Variants in PLCG2 observed in about 807,000 individuals in gnomAD.
PLCG2 encodes phospholipase C gamma 2.
Under a neutral mutation model 175.6 loss-of-function variants are expected in PLCG2, and 69 were observed. The ratio of observed to expected loss-of-function variants is 0.39; its 90% CI spans 0.32 to 0.48. The LOEUF (loss-of-function observed/expected upper bound fraction) is 0.48, where lower values mean the gene tolerates loss of function less well. PLCG2 is among the 20% of genes least tolerant of loss of function. The probability of loss-of-function intolerance (pLI) is 0.91; values close to 1 mark genes in which losing one functional copy is unlikely to be tolerated. For missense variants in PLCG2, 1,798 were observed against 1,650.9 expected (o/e 1.09, Z -1.54); for synonymous variants, 827 against 624.0 (o/e 1.33, Z -4.85).
chr16:81,948,267 AT>A (rs1211613949), intron 31 of PLCG2, among the ~76,000 whole-genome samples: 4 of 152,210 alleles, frequency 2.6e-5, no homozygotes, highest in Non-Finnish European at 5.9e-5. Context: ...CCATCTTGCC[AT>A]TAACTGGAAT....
intron 6 of PLCG2, 133 bp downstream of exon 6, chr16:81,869,431 G>A: frequency 1.5e-6 from 1 of 678,272 alleles, no homozygotes; most frequent in Admixed American, 2.3e-5. Flanking sequence ...GTACATCTTA[G>A]TTCAGACAGA....
rs192603875 is a variant in PLCG2 at position 81,961,855 on chromosome 16, T to C, written c.*3857T>C. ...GAAATTTTAGATGTCAATATAGCAA[T>C]GTGCAAGAAGATAGAGATTTTCAAA... On this transcript the variant is annotated 3_prime_UTR_variant, in exon 33 of 33. Coordinates refer to ENST00000564138, the MANE Select transcript of PLCG2 (RefSeq NM_002661.5). 8.7e-4 allele frequency: 175 copies of C among 201,228 alleles called. 1 individual carries two copies. The highest frequency in any genetic ancestry group is 5.0e-3 in the Middle Eastern group (3 of 600). 12.5% of individuals were successfully genotyped at this position (201,228 alleles called of 1,614,324 possible).
chr16:81,939,041 G>A (rs1254197586), intron 29 of PLCG2, 126 bp downstream of exon 29: 6 of 642,784 alleles, frequency 9.3e-6, no homozygotes, highest in African/African-American at 3.7e-5. Flanking sequence ...CCTCCCTCTT[G>A]CCCACATGGT....
intron 4 of PLCG2, 139 bp from the exon 5 acceptor site, chr16:81,858,977 G>A (rs939718390): frequency 9.8e-5 from 55 of 559,702 alleles, no homozygotes; most frequent in African/African-American, 9.2e-4. Flanking sequence ...TGCTTCCCAA[G>A]CTGCCCTTGT....
intron 2 of PLCG2, among the ~76,000 whole-genome samples, chr16:81,805,621 C>A (rs895433950): frequency 7.9e-5 from 12 of 151,790 alleles, no homozygotes; most frequent in African/African-American, 2.9e-4. Context: ...ATGCCTCACA[C>A]CCCCTTCCCC....
chr16:81,750,109 A>T (rs1360318888), intron 1 of PLCG2, among the ~76,000 whole-genome samples: 3 of 152,190 alleles, frequency 2.0e-5, no homozygotes, highest in Admixed American at 2.0e-4. Flanking sequence ...AAAACAATGT[A>T]TAAGATCCAG....
intron 3 of PLCG2, among the ~76,000 whole-genome samples, chr16:81,854,981 G>A (rs550390828): frequency 5.9e-5 from 9 of 152,058 alleles, no homozygotes; most frequent in African/African-American, 2.2e-4. Flanking sequence ...AGCCTGAGGC[G>A]GGCAGATCAC....
At chr16:81,814,052 G>C (rs761034079) in intron 2 of PLCG2, among the ~76,000 whole-genome samples, 3 of 152,166 alleles carry the variant, frequency 2.0e-5, no homozygotes, top group African/African-American at 7.2e-5. Flanking sequence ...CTAGAAGGCA[G>C]GTCTGGTACT....
chr16:81,917,009 G>C (rs2143676026), intron 19 of PLCG2, among the ~76,000 whole-genome samples: 1 of 152,174 alleles, frequency 6.6e-6, no homozygotes, highest in South Asian at 2.1e-4. Flanking sequence ...TTGTCTAACT[G>C]AAATTTTGTA....
At chr16:81,750,551 A>G (rs756420295) in intron 1 of PLCG2, among the ~76,000 whole-genome samples, 1 of 151,978 alleles carries the variant, frequency 6.6e-6, no homozygotes, top group Non-Finnish European at 1.5e-5. Flanking sequence ...ATAATAGCTG[A>G]GTTATGGAAT....
chr16:81,748,810 A>G (rs550244967), intron 1 of PLCG2, among the ~76,000 whole-genome samples: 19 of 152,198 alleles, frequency 1.2e-4, no homozygotes, highest in Admixed American at 3.9e-4. Context: ...CCTCATTACA[A>G]CCCTGTGAAC....
rs965065738 is a variant in PLCG2 at position 81,893,585 on chromosome 16, G to A, written c.987-124G>A. On this transcript the variant is annotated intron_variant, in intron 11 of 32. Coordinates refer to ENST00000564138, the MANE Select transcript of PLCG2 (RefSeq NM_002661.5). Reference sequence around the variant, plus strand: ...GCCTTAGCTTTGAGTCTTTCTACATGGAAGAACTCAGAGCTTTGGCGGCTC... The same window carrying A: ...GCCTTAGCTTTGAGTCTTTCTACATAGAAGAACTCAGAGCTTTGGCGGCTC... The A allele has an allele frequency of 4.4e-6, 3 of 679,102 alleles. No homozygotes were observed. In the Admixed American group the frequency reaches 7.4e-5, roughly 17 times the overall value. The allele number at this position is 679,102 out of a possible 1,614,324, so 42.1% of individuals were successfully genotyped here. A position where few individuals can be genotyped will look rare whatever the true frequency, so the allele number is the denominator to read the frequency against.
Position 81,889,177 on chromosome 16 carries a change from T to A in PLCG2, c.771T>A (p.His257Gln), listed in dbSNP as rs369555285. Residue 257 changes from histidine to glutamine, a missense_variant, in exon 10 of 33, where the codon CAT becomes CAA. Coordinates refer to ENST00000564138, the MANE Select transcript of PLCG2 (RefSeq NM_002661.5). ...QRFLIHEQQEHWAQDLNKVRE... is the reference protein window; with the variant it reads ...QRFLIHEQQEQWAQDLNKVRE... ...GTTCTCTTTGTCATTTTAAGGAGCA[T>A]TGGGCTCAGGATCTGAACAAAGTCC... 6 of 1,587,822 alleles carry A rather than the reference T, an allele frequency of 3.8e-6. No homozygotes were observed. Among genetic ancestry groups the A allele is most frequent in the South Asian group, 1.1e-5 (1 of 88,542 alleles).
chr16:81,901,497 C>T (rs1909149142), intron 14 of PLCG2, among the ~76,000 whole-genome samples: 1 of 152,226 alleles, frequency 6.6e-6, no homozygotes, highest in African/African-American at 2.4e-5. Flanking sequence ...TCTGCTCTAG[C>T]ATCTCTCAGG....
intron 2 of PLCG2, 64 bp downstream of exon 2, chr16:81,786,246 C>A: frequency 7.6e-7 from 1 of 1,313,764 alleles, no homozygotes; most frequent in Non-Finnish European, 1.1e-6. Context: ...AGCACCTGTC[C>A]ACCTTCCTGT....
intron 1 of PLCG2, among the ~76,000 whole-genome samples, chr16:81,744,223 A>G (rs564778786): frequency 7.0e-6 from 1 of 143,146 alleles, no homozygotes; most frequent in Admixed American, 7.3e-5. Context: ...GCTGGTGTGC[A>G]GTGGAGTGAT....
intron 2 of PLCG2, among the ~76,000 whole-genome samples, chr16:81,803,157 C>T (rs749307305): frequency 2.3e-4 from 31 of 136,486 alleles, no homozygotes; most frequent in African/African-American, 3.9e-4. Context: ...CTCACTCTGT[C>T]GCCCAGGCTG....
At chr16:81,900,547 T>A in intron 13 of PLCG2, 65 bp from the exon 14 acceptor site, 1 of 1,450,262 alleles carries the variant, frequency 6.9e-7, no homozygotes, top group Non-Finnish European at 9.3e-7. Context: ...CCCTGGCCCC[T>A]CTGTGGGGCA....
intron 2 of PLCG2, among the ~76,000 whole-genome samples, chr16:81,827,727 C>G (rs1905100522): frequency 6.6e-6 from 1 of 152,088 alleles, no homozygotes; most frequent in African/African-American, 2.4e-5. Flanking sequence ...CGTCATGCTG[C>G]AGGCTCAGGG....
Sources: allele counts gnomAD v4.1 joint callset (sites outside exome capture counted in the v4.1 genomes callset), GRCh38; gene constraint gnomAD v4.1.1; transcripts MANE v1.5; gene names NCBI Gene and HGNC (gene_info 2026-07-23, HGNC 2026-07-21).